Variants in NAV2 observed in about 807,000 individuals in gnomAD.
NAV2 encodes the protein neuron navigator 2, also known as helicase, APC down-regulated 1.
Under a neutral mutation model 223.2 loss-of-function variants are expected in NAV2, and 54 were observed. The observed-to-expected ratio is 0.24, with a 90% CI of 0.19 to 0.30. NAV2 has a LOEUF of 0.30. Ranked by LOEUF, NAV2 falls within the 10% of genes least tolerant of loss-of-function variation. The pLI, the probability that NAV2 is intolerant of heterozygous loss-of-function variation, is 1.00. For missense variants in NAV2, 2,806 were observed against 3,147.5 expected, an observed-to-expected ratio of 0.89 and a Z score of 2.60; for synonymous variants, 1,279 against 1,239.3, an observed-to-expected ratio of 1.03 and a Z score of -0.67.
In NAV2 at chr11:19,946,443, T is replaced by C; in HGVS notation, c.2189T>C (p.Ile730Thr). ...EARRLRTVKN[I>T]ADLRQNLEET... is the part of the protein sequence containing the mutation. ...CGGCGGCTGCGGACAGTGAAGAACA[T>C]CGCTGATCTGCGGCAGAATTTGGAG... Residue 730 changes from isoleucine (I) to threonine (T), a missense_variant, in exon 9 of 38, where the codon ATC (isoleucine) becomes ACC (threonine). Transcript: ENST00000349880. 1 of 1,613,800 alleles carries C rather than the reference T, an allele frequency of 6.2e-7. No individual in the cohort carries two copies. Among genetic ancestry groups the C allele is most frequent in the Non-Finnish European group, 8.5e-7 (1 of 1,179,922 alleles).
At chr11:19,583,735 A>T (rs1168500214) in intron 1 of NAV2, among the ~76,000 whole-genome samples, 2 of 152,136 alleles carry the variant, frequency 1.3e-5, no homozygotes, top group East Asian at 1.9e-4. Context: ...AGCCCACTTG[A>T]TCGTGGTGGA....
intron 1 of NAV2, among the ~76,000 whole-genome samples, chr11:19,583,932 G>A (rs1157935317): frequency 1.3e-5 from 2 of 152,164 alleles, no homozygotes; most frequent in African/African-American, 2.4e-5. Context: ...CTGTTGATTG[G>A]AATAGTTTCA....
chr11:19,741,292 CTT>C (rs1191771820), intron 1 of NAV2, among the ~76,000 whole-genome samples: 1 of 152,070 alleles, frequency 6.6e-6, no homozygotes, highest in East Asian at 1.9e-4. Context: ...AACCTACTCT[CTT>C]AGAAAATTTT....
intron 26 of NAV2, among the ~76,000 whole-genome samples, chr11:20,086,767 A>G (rs75325584): frequency 0.01 from 1,526 of 152,304 alleles, 10 homozygotes; most frequent in Non-Finnish European, 0.018. Context: ...TGCAAGGGAA[A>G]GAGGAGAGCC....
rs375735722 is a variant in NAV2, at chr11:19,654,181, C to A, written c.76-178303C>A. Among the ~76,000 whole-genome samples the A allele has an allele frequency of 1.6e-4, 25 of 152,266 alleles. No individual in the cohort carries two copies. In the East Asian group the frequency reaches 3.7e-3, roughly 22 times the overall value. The stretch of plus-strand genomic sequence containing the variant: ...ATAAAATACCTAGGAATCCAACTTA[C>A]AAGGGATGTGAAGGACCTCTTCAAG... On this transcript the variant is annotated intron_variant, in intron 1 of 37. Coordinates refer to the NAV2 transcript ENST00000360655.
intron 6 of NAV2, among the ~76,000 whole-genome samples, chr11:19,895,259 G>A (rs2153161731): frequency 6.6e-6 from 1 of 151,358 alleles, no homozygotes; most frequent in South Asian, 2.1e-4. Flanking sequence ...TAGAGATAGG[G>A]TTTCACCATG....
chr11:19,562,965 C>A (rs1207277884), intron 1 of NAV2, among the ~76,000 whole-genome samples: 1 of 152,142 alleles, frequency 6.6e-6, no homozygotes, highest in Non-Finnish European at 1.5e-5. Context: ...ATGGAGTAGG[C>A]CCTGCCAAGA....
chr11:19,874,374 T>G (rs1171731509), intron 4 of NAV2, among the ~76,000 whole-genome samples: 2 of 152,190 alleles, frequency 1.3e-5, no homozygotes, highest in Non-Finnish European at 2.9e-5. Context: ...CCAGGTTGGG[T>G]TTAGCCACAA....
At chr11:19,405,014 C>T (rs1849835121) in intron 1 of NAV2, among the ~76,000 whole-genome samples, 1 of 152,082 alleles carries the variant, frequency 6.6e-6, no homozygotes, top group South Asian at 2.1e-4. Flanking sequence ...GACTGTGGAC[C>T]AAGGACAGAG....
At position 19,825,067 on chromosome 11, in the gene NAV2, C is replaced by T. The variant is rs11825758; in HGVS notation, c.268-7417C>T. Among the ~76,000 whole-genome samples, 1,240 of 151,838 alleles carry T rather than the reference C, an allele frequency of 8.2e-3. 26 individuals carry two copies. Among genetic ancestry groups the T allele is most frequent in the African/African-American group, 0.024 (1,001 of 41,398 alleles). Reference sequence around the variant, plus strand: ...CAGCACTTTGGGAGGCTGAGGAGGGCGATCACTTGAGGCCAGGAGTTTGAG... The same window carrying T: ...CAGCACTTTGGGAGGCTGAGGAGGGTGATCACTTGAGGCCAGGAGTTTGAG... On this transcript the variant is annotated intron_variant, in intron 1 of 37. Coordinates refer to ENST00000349880, the MANE Select transcript of NAV2 (RefSeq NM_145117.5).
intron 1 of NAV2, among the ~76,000 whole-genome samples, chr11:19,449,667 C>A (rs1250065127): frequency 6.6e-6 from 1 of 151,986 alleles, no homozygotes; most frequent in East Asian, 1.9e-4. Context: ...TTGTGACTTC[C>A]TAGTTATTAT....
Position 20,118,491 on chromosome 11 carries a change from A to G in NAV2, c.*233A>G, listed in dbSNP as rs2063313762. ...CTGCACTACCTTCTGTTGTACTTTA[A>G]TTATTGTTTTGCCTTGTTGCTGTGA... is the stretch of plus-strand genomic sequence containing the variant. On this transcript the variant is annotated 3_prime_UTR_variant, in exon 38 of 38. Transcript: ENST00000349880. 2.1e-6 allele frequency: 1 copy of G among 479,478 alleles called. No individual in the cohort carries two copies. The highest frequency in any genetic ancestry group is 2.0e-5 in the African/African-American group (1 of 50,316). 29.7% of individuals were successfully genotyped at this position (479,478 alleles called of 1,614,324 possible). A position where few individuals can be genotyped will look rare whatever the true frequency, so the allele number is the denominator to read the frequency against.
chr11:19,807,692 C>T (rs1407100961), intron 1 of NAV2, among the ~76,000 whole-genome samples: 1 of 152,178 alleles, frequency 6.6e-6, no homozygotes, highest in Non-Finnish European at 1.5e-5. Flanking sequence ...CCCAGTGACC[C>T]CACTGAAGTT....
Position 20,102,845 on chromosome 11 carries a change from C to T in NAV2, c.6418-410C>T, listed in dbSNP as rs141893570. Among the ~76,000 whole-genome samples, 600 of 152,262 alleles carry T rather than the reference C, an allele frequency of 3.9e-3. 9 individuals carry two copies. The East Asian group carries it at 0.042, about 11-fold the overall frequency. On this transcript the variant is annotated intron_variant, in intron 32 of 37. Transcript: ENST00000349880. The stretch of plus-strand genomic sequence containing the variant: ...CCAAGCCCGGTGCATATAGACTTGT[C>T]TCCCCAATGCTGTGTGTTGTGTCTG...
chr11:19,504,458 T>C (rs1316783709), intron 1 of NAV2: 1 of 152,148 alleles, frequency 6.6e-6, no homozygotes, highest in African/African-American at 2.4e-5. Flanking sequence ...GTCAGAGTTA[T>C]GTAAAAATGT....
intron 1 of NAV2, among the ~76,000 whole-genome samples, chr11:19,652,083 C>T (rs1404420451): frequency 6.6e-6 from 1 of 152,166 alleles, no homozygotes; most frequent in Non-Finnish European, 1.5e-5. Flanking sequence ...TTCATAATAA[C>T]TCGGATGCAC....
chr11:19,927,107 C>T (rs1483498840), intron 6 of NAV2, among the ~76,000 whole-genome samples: 4 of 152,224 alleles, frequency 2.6e-5, no homozygotes, highest in African/African-American at 9.6e-5. Context: ...AGGATTAATA[C>T]TCTCTCTAAA....
At chr11:19,359,055 T>G (rs1217539540) in intron 1 of NAV2, among the ~76,000 whole-genome samples, 1 of 152,238 alleles carries the variant, frequency 6.6e-6, no homozygotes, top group East Asian at 1.9e-4. Flanking sequence ...GAAATATTTG[T>G]TGAATGAATG....
At position 19,780,666 on chromosome 11, in the gene NAV2, C is replaced by T. The variant is rs2056657885; in HGVS notation, c.268-51818C>T. ...TGTAAATTGAGACTACAGCACCTCA[C>T]AGAATTACAGTAAAAATTAGGGAAA... On this transcript the variant is annotated intron_variant, in intron 1 of 37. Coordinates refer to ENST00000349880, the MANE Select transcript of NAV2 (RefSeq NM_145117.5). Among the ~76,000 whole-genome samples the T allele has an allele frequency of 2.0e-5, 3 of 152,212 alleles. No individual in the cohort carries two copies. In the South Asian group the frequency reaches 6.2e-4, roughly 31 times the overall value.
Sources: allele counts gnomAD v4.1 joint callset (sites outside exome capture counted in the v4.1 genomes callset), GRCh38; gene constraint gnomAD v4.1.1; transcripts MANE v1.5; gene names NCBI Gene and HGNC (gene_info 2026-07-23, HGNC 2026-07-21).